Variants in SYN3 observed in about 807,000 individuals in gnomAD.
SYN3 encodes synapsin-3.
SYN3 carries 35 observed loss-of-function variants against 65.8 expected under a neutral mutation model. The observed-to-expected ratio is 0.53, with a 90% CI of 0.41 to 0.70. The LOEUF (loss-of-function observed/expected upper bound fraction) is 0.70. SYN3 is among the 30% of genes least tolerant of loss of function. The pLI, the probability that SYN3 is intolerant of heterozygous loss-of-function variation, is 0.00. For synonymous variants in SYN3, 270 were observed against 292.9 expected, an observed-to-expected ratio of 0.92 and a Z score of 0.80; for missense variants, 680 against 749.0, an observed-to-expected ratio of 0.91 and a Z score of 1.08.
intron 6 of SYN3, among the ~76,000 whole-genome samples, chr22:32,807,388 A>ATATATAATATATAT (rs1569239882): frequency 9.8e-6 from 1 of 101,666 alleles, no homozygotes; most frequent in African/African-American, 4.0e-5. Context: ...AATATATATT[A>ATATATAATATATAT]TATATAATAT....
At chr22:32,637,171 A>G (rs2059828366) in intron 6 of SYN3, among the ~76,000 whole-genome samples, 1 of 152,204 alleles carries the variant, frequency 6.6e-6, no homozygotes, top group Admixed American at 6.5e-5. Flanking sequence ...ACCAGAGGCA[A>G]AGTGAAGTGT....
intron 6 of SYN3, among the ~76,000 whole-genome samples, chr22:32,780,861 C>A (rs2046023272): frequency 6.6e-6 from 1 of 151,938 alleles, no homozygotes; most frequent in African/African-American, 2.4e-5. Context: ...GTAATAAGCA[C>A]TTAATGAGAG....
At chr22:32,832,399 TA>T (rs1352121370) in intron 6 of SYN3, among the ~76,000 whole-genome samples, 1 of 151,954 alleles carries the variant, frequency 6.6e-6, no homozygotes. Flanking sequence ...TTTTGTACAA[TA>T]AAAAACAAGG....
At chr22:32,569,437 ATCT>A (rs2058721358) in intron 7 of SYN3, among the ~76,000 whole-genome samples, 1 of 148,330 alleles carries the variant, frequency 6.7e-6, no homozygotes, top group Non-Finnish European at 1.5e-5. Context: ...CTATCTATCT[ATCT>A]ATCTATCTTC....
Position 32,863,120 on chromosome 22 carries a change from C to T in SYN3, c.711+1795G>A, listed in dbSNP as rs1005324180. ...CACCAGCAGGCCTTGAAAGTCTATC[C>T]CCAGCTCCAGGCCTGGACACATCCC... is the stretch of plus-strand genomic sequence containing the variant. On this transcript the variant is annotated intron_variant, in intron 6 of 13. Coordinates refer to ENST00000358763, the MANE Select transcript of SYN3 (RefSeq NM_003490.4). The T allele has an allele frequency of 2.0e-5, 3 of 152,682 alleles. No homozygotes were observed. The East Asian group carries it at 5.8e-4, about 30-fold the overall frequency. The allele number at this position is 152,682 out of a possible 1,614,324, so 9.5% of individuals were successfully genotyped here.
chr22:32,509,814 C>T lies in SYN3; in HGVS notation c.*3878G>A, dbSNP rs182956407. Among the ~76,000 whole-genome samples, 26 of 152,190 alleles carry T rather than the reference C, an allele frequency of 1.7e-4. No individual in the cohort carries two copies. In the Middle Eastern group the frequency reaches 0.01, roughly 60 times the overall value. Reference sequence around the variant, plus strand: ...CGATCTCCTGACCTAGTCATCCGCCCACCTCGGCCTCCCAAAGTGCTGGGA... The same window carrying T: ...CGATCTCCTGACCTAGTCATCCGCCTACCTCGGCCTCCCAAAGTGCTGGGA... On this transcript the variant is annotated 3_prime_UTR_variant, in exon 14 of 14. Transcript: ENST00000358763.
intron 6 of SYN3, among the ~76,000 whole-genome samples, chr22:32,856,401 G>A (rs2048366726): frequency 6.6e-6 from 1 of 152,096 alleles, no homozygotes; most frequent in Admixed American, 6.5e-5. Context: ...CATCTGGGGT[G>A]AAGGGGGCCC....
chr22:32,922,022 T>C (rs970460550), intron 4 of SYN3, among the ~76,000 whole-genome samples: 13 of 152,292 alleles, frequency 8.5e-5, no homozygotes, highest in Non-Finnish European at 1.5e-4. Context: ...AACAACTAGG[T>C]AAGAAGACCA....
At chr22:32,570,417 G>A (rs949611423) in intron 7 of SYN3, among the ~76,000 whole-genome samples, 1 of 152,222 alleles carries the variant, frequency 6.6e-6, no homozygotes, top group African/African-American at 2.4e-5. Context: ...AAGTTAAAGG[G>A]TCTAGAGCGT....
intron 6 of SYN3, among the ~76,000 whole-genome samples, chr22:32,663,571 T>C (rs2060248714): frequency 6.6e-6 from 1 of 152,204 alleles, no homozygotes; most frequent in Non-Finnish European, 1.5e-5. Flanking sequence ...GTGCTGGGAT[T>C]ACAGGCATGA....
intron 6 of SYN3, among the ~76,000 whole-genome samples, chr22:32,740,675 C>G (rs916922799): frequency 6.6e-6 from 1 of 152,156 alleles, no homozygotes; most frequent in Non-Finnish European, 1.5e-5. Context: ...TGAAAGTTAA[C>G]TAACAGGGAA....
chr22:32,513,641 G>A lies in SYN3; in HGVS notation c.*51C>T. On this transcript the variant is annotated 3_prime_UTR_variant, in exon 14 of 14. Coordinates refer to ENST00000358763, the MANE Select transcript of SYN3 (RefSeq NM_003490.4). ...CAAGGCTGAGAAGGAAGATGAGGCA[G>A]GAGGGGGACGAGTGTAGCAGAGCAC... 1 of 1,598,498 alleles carries A rather than the reference G, an allele frequency of 6.3e-7. No individual in the cohort carries two copies. The highest frequency in any genetic ancestry group is 8.6e-7 in the Non-Finnish European group (1 of 1,169,538).
chr22:32,966,033 C>T (rs577043449), intron 3 of SYN3, among the ~76,000 whole-genome samples: 4 of 152,216 alleles, frequency 2.6e-5, no homozygotes, highest in Admixed American at 6.5e-5. Flanking sequence ...AACCTGAGCA[C>T]GCAGCACATA....
chr22:32,926,145 C>T (rs935640370), intron 4 of SYN3, among the ~76,000 whole-genome samples: 1 of 152,144 alleles, frequency 6.6e-6, no homozygotes. Flanking sequence ...AGCCATTGTG[C>T]CCAGCCGGGA....
chr22:32,519,150 C>A (rs188973892), intron 12 of SYN3, among the ~76,000 whole-genome samples: 2 of 152,138 alleles, frequency 1.3e-5, no homozygotes, highest in Admixed American at 6.6e-5. Context: ...AAGGCCCCCC[C>A]AGTCTATGGC....
At chr22:32,937,146 T>C (rs575472384) in intron 3 of SYN3, among the ~76,000 whole-genome samples, 1 of 151,868 alleles carries the variant, frequency 6.6e-6, no homozygotes, top group African/African-American at 2.4e-5. Flanking sequence ...AATCAACGAA[T>C]AGAAACAGAC....
Position 33,008,924 on chromosome 22 carries a change from CAAAAAAAAAAAAAAAAAAAAA to C in SYN3, c.-162-2121_-162-2101del, listed in dbSNP as rs201719238. ...TGGGTGACAGAGTAAGACTTTATCT[CAAAAAAAAAAAAAAAAAAAAA>C]AAAAAAAAAAAAAAAAAAGAGAGAG... On this transcript the variant is annotated intron_variant, in intron 1 of 13. Transcript: ENST00000358763. Among the ~76,000 whole-genome samples, 240 of 57,096 alleles carry C rather than the reference CAAAAAAAAAAAAAAAAAAAAA, an allele frequency of 4.2e-3. 3 individuals are homozygous for C. Among genetic ancestry groups the C allele is most frequent in the Middle Eastern group, 0.024 (2 of 84 alleles). The allele number at this position is 57,096 out of a possible 152,430, so 37.5% of individuals were successfully genotyped here.
At chr22:32,562,510 G>C (rs1352027359) in intron 7 of SYN3, among the ~76,000 whole-genome samples, 2 of 152,196 alleles carry the variant, frequency 1.3e-5, no homozygotes, top group Admixed American at 1.3e-4. Flanking sequence ...CCCTGACAGA[G>C]AGCTCCTCTC....
At chr22:32,603,555 A>G (rs1443301120) in intron 6 of SYN3, among the ~76,000 whole-genome samples, 1 of 151,664 alleles carries the variant, frequency 6.6e-6, no homozygotes, top group Non-Finnish European at 1.5e-5. Flanking sequence ...AAAAAAAGAA[A>G]GAAAGAAAAC....
Sources: allele counts gnomAD v4.1 joint callset (sites outside exome capture counted in the v4.1 genomes callset), GRCh38; gene constraint gnomAD v4.1.1; transcripts MANE v1.5; gene names NCBI Gene and HGNC (gene_info 2026-07-23, HGNC 2026-07-21).